Variants in RIN3 observed in about 807,000 individuals in gnomAD.
RIN3 encodes the protein Ras and Rab interactor 3.
Under a neutral mutation model 76.3 loss-of-function variants are expected in RIN3, and 54 were observed. The ratio of observed to expected loss-of-function variants is 0.71; its 90% CI spans 0.57 to 0.89. RIN3 has a LOEUF of 0.89. Among genes scored for constraint, RIN3 ranks in the 40% least tolerant of loss-of-function variants. The pLI is 0.00. For missense variants in RIN3, 1,256 were observed against 1,322.1 expected, an observed-to-expected ratio of 0.95 and a Z score of 0.78; for synonymous variants, 576 against 564.0, an observed-to-expected ratio of 1.02 and a Z score of -0.30.
At position 92,634,068 on chromosome 14, in the gene RIN3, CTTTTTTTTTTT is replaced by C. The variant is rs6145445; in HGVS notation, c.441-7157_441-7147del. 4.9e-3 allele frequency among the ~76,000 whole-genome samples: 530 copies of C among 108,130 alleles called. 3 individuals are homozygous for C. Among genetic ancestry groups the C allele is most frequent in the African/African-American group, 0.015 (480 of 31,594 alleles). The allele number at this position is 108,130 out of a possible 152,430, so 70.9% of individuals were successfully genotyped here. On this transcript the variant is annotated intron_variant, in intron 4 of 9. Coordinates refer to ENST00000216487, the MANE Select transcript of RIN3 (RefSeq NM_024832.5). ...GTCAGAATATTTATTCTAAAAATCC[CTTTTTTTTTTT>C]TTTTTTTTTTTTGAGATGAAGTTTC...
At chr14:92,520,453 G>T (rs1896566929) in intron 1 of RIN3, among the ~76,000 whole-genome samples, 1 of 152,210 alleles carries the variant, frequency 6.6e-6, no homozygotes, top group African/African-American at 2.4e-5. Flanking sequence ...CTGTGAAGGT[G>T]GCCTCCATTT....
intron 1 of RIN3, among the ~76,000 whole-genome samples, chr14:92,538,499 T>A (rs1350840694): frequency 6.6e-6 from 1 of 152,202 alleles, no homozygotes; most frequent in Non-Finnish European, 1.5e-5. Context: ...AAGCTTGAGT[T>A]TGGGGGAGAC....
intron 1 of RIN3, among the ~76,000 whole-genome samples, chr14:92,546,652 C>T (rs1204298532): frequency 1.3e-5 from 2 of 152,186 alleles, no homozygotes; most frequent in East Asian, 1.9e-4. Context: ...CATTTCTTCT[C>T]TTTTAAATTT....
intron 4 of RIN3, among the ~76,000 whole-genome samples, chr14:92,621,443 A>G (rs1886179994): frequency 6.6e-6 from 1 of 152,108 alleles, no homozygotes; most frequent in Admixed American, 6.5e-5. Flanking sequence ...GCTTGGTTTT[A>G]TAGATTTTAG....
chr14:92,580,605 G>A (rs1224244331), intron 3 of RIN3, among the ~76,000 whole-genome samples: 1 of 152,262 alleles, frequency 6.6e-6, no homozygotes, highest in Non-Finnish European at 1.5e-5. Context: ...CTTAAAGCCA[G>A]AAGCTGGTTT....
intron 1 of RIN3, among the ~76,000 whole-genome samples, chr14:92,534,503 C>G (rs1414425583): frequency 1.3e-5 from 2 of 151,366 alleles, no homozygotes; most frequent in African/African-American, 4.9e-5. Flanking sequence ...TCGCTTGAAC[C>G]TGGGAGGCAG....
chr14:92,569,043 C>T (rs1036471611), intron 2 of RIN3, among the ~76,000 whole-genome samples: 1 of 152,238 alleles, frequency 6.6e-6, no homozygotes, highest in Non-Finnish European at 1.5e-5. Flanking sequence ...GCACCTGGCC[C>T]AGTGTGCACA....
intron 7 of RIN3, among the ~76,000 whole-genome samples, chr14:92,665,524 G>A (rs1888059522): frequency 6.6e-6 from 1 of 151,794 alleles, no homozygotes; most frequent in South Asian, 2.1e-4. Context: ...GACTACAGGT[G>A]CCCACCACCA....
At chr14:92,620,008 T>C (rs1351460373) in intron 4 of RIN3, among the ~76,000 whole-genome samples, 2 of 152,250 alleles carry the variant, frequency 1.3e-5, no homozygotes, top group East Asian at 3.8e-4. Flanking sequence ...AAACTGTCTT[T>C]ATTTCCCAAA....
At chr14:92,579,870 G>A (rs985922699) in intron 3 of RIN3, among the ~76,000 whole-genome samples, 3 of 152,242 alleles carry the variant, frequency 2.0e-5, no homozygotes, top group African/African-American at 7.2e-5. Context: ...CCTCTGGCTG[G>A]GGACATGGAG....
intron 3 of RIN3, among the ~76,000 whole-genome samples, chr14:92,589,504 T>G (rs888994677): frequency 6.6e-6 from 1 of 152,190 alleles, no homozygotes; most frequent in African/African-American, 2.4e-5. Flanking sequence ...GGAGACAGCC[T>G]GATCTGGATG....
chr14:92,577,504 C>T (rs1174862814), intron 3 of RIN3, 27 bp downstream of exon 3: 1 of 1,452,800 alleles, frequency 6.9e-7, no homozygotes, highest in Non-Finnish European at 9.7e-7. Context: ...TCTGTTTTCA[C>T]TTTGACCACG....
chr14:92,528,970 C>T (rs1896817192), intron 1 of RIN3, among the ~76,000 whole-genome samples: 1 of 152,120 alleles, frequency 6.6e-6, no homozygotes, highest in Non-Finnish European at 1.5e-5. Context: ...GGCCCAGCAG[C>T]CTCTGAGCTA....
intron 1 of RIN3, among the ~76,000 whole-genome samples, chr14:92,516,846 C>T (rs1595382390): frequency 1.3e-5 from 2 of 152,178 alleles, no homozygotes; most frequent in Non-Finnish European, 2.9e-5. Context: ...ACAGGGCACC[C>T]GCATTTTAAC....
At chr14:92,608,512 A>G (rs1417082127) in intron 3 of RIN3, among the ~76,000 whole-genome samples, 1 of 151,716 alleles carries the variant, frequency 6.6e-6, no homozygotes, top group East Asian at 1.9e-4. Context: ...CTGAATGATA[A>G]AACTGAATTT....
intron 7 of RIN3, among the ~76,000 whole-genome samples, chr14:92,667,322 G>C (rs977953788): frequency 1.3e-5 from 2 of 152,146 alleles, no homozygotes; most frequent in African/African-American, 4.8e-5. Context: ...ACCAAGACCA[G>C]CCTGACCAAC....
At chr14:92,667,498 C>G (rs1044664539) in intron 7 of RIN3, among the ~76,000 whole-genome samples, 4 of 150,078 alleles carry the variant, frequency 2.7e-5, no homozygotes, top group African/African-American at 9.9e-5. Flanking sequence ...GCCTGGGTGA[C>G]AGAGCAAGAC....
intron 1 of RIN3, among the ~76,000 whole-genome samples, chr14:92,550,288 A>T (rs1897388692): frequency 6.6e-6 from 1 of 152,182 alleles, no homozygotes; most frequent in Admixed American, 6.5e-5. Flanking sequence ...AAACTGTAAC[A>T]TTTACTGAAT....
rs561301781 is a variant in RIN3, at chr14:92,535,062, C to T, written c.45-20689C>T. On this transcript the variant is annotated intron_variant, in intron 1 of 9. Coordinates refer to ENST00000216487, the MANE Select transcript of RIN3 (RefSeq NM_024832.5). ...AGGCCTTGGTAGTGTCAGCCTCCAT[C>T]GTGACACCCATGGGGATGGGCTCTC... Among the ~76,000 whole-genome samples the T allele has an allele frequency of 7.9e-5, 12 of 152,300 alleles. No homozygotes were observed. The South Asian group carries it at 2.3e-3, about 29-fold the overall frequency.
Sources: allele counts gnomAD v4.1 joint callset (sites outside exome capture counted in the v4.1 genomes callset), GRCh38; gene constraint gnomAD v4.1.1; transcripts MANE v1.5; gene names NCBI Gene and HGNC (gene_info 2026-07-23, HGNC 2026-07-21).